The following MEST variants were observed in gnomAD, a reference collection of about 807,000 sequenced individuals.
The protein encoded by MEST is mesoderm specific transcript.
In MEST, 18 loss-of-function variants were observed where a neutral mutation model predicts 50.9. That is an observed-to-expected ratio of 0.35 (90% confidence interval 0.24 to 0.52). MEST has a LOEUF of 0.52. Among genes scored for constraint, MEST ranks in the 20% least tolerant of loss-of-function variants. The pLI is 0.94. For missense variants in MEST, 282 were observed against 425.3 expected (o/e 0.66, Z 2.96); for synonymous variants, 130 against 154.1 (o/e 0.84, Z 1.16).
Position 130,500,064 on chromosome 7 carries a change from C to G in MEST, c.576+149C>G. ...TATTAATGAAGTTACTTTTTCCCTT[C>G]TTAGGCAACTAAAGCAGAGGCAGTG... On this transcript the variant is annotated intron_variant, in intron 7 of 11. Coordinates refer to ENST00000223215, the MANE Select transcript of MEST (RefSeq NM_002402.4). The surrounding 1 kb of genome is among the most constrained non-coding windows in gnomAD (Gnocchi z 5.0). The G allele has an allele frequency of 1.4e-6, 1 of 698,618 alleles. No individual in the cohort carries two copies. The highest frequency in any genetic ancestry group is 2.3e-6 in the Non-Finnish European group (1 of 428,852). 43.3% of individuals were successfully genotyped at this position (698,618 alleles called of 1,614,324 possible). A position where few individuals can be genotyped will look rare whatever the true frequency, so the allele number is the denominator to read the frequency against.
At chr7:130,504,055 C>T (rs539049713) in intron 11 of MEST, 59 bp downstream of exon 11, 6 of 1,404,062 alleles carry the variant, frequency 4.3e-6, no homozygotes, top group South Asian at 3.5e-5. Flanking sequence ...CAGTGGTAAA[C>T]AGAATTGCCT....
chr7:130,493,664 C>G (rs1241601928), intron 1 of MEST, among the ~76,000 whole-genome samples: 1 of 152,128 alleles, frequency 6.6e-6, no homozygotes, highest in African/African-American at 2.4e-5. Flanking sequence ...GGGGAAGCCT[C>G]CCCATTTGCC....
intron 2 of MEST, 102 bp downstream of exon 2, chr7:130,495,624 GGAGGAGAGTATCTCTCTC>G (rs1799018625): frequency 8.4e-7 from 1 of 1,190,550 alleles, no homozygotes; most frequent in Non-Finnish European, 1.2e-6. Context: ...CCTTAATGAT[GGAGGAGAGTATCTCTCTC>G]TCTTTCTGTG....
At chr7:130,495,564 A>AT (rs782438708) in intron 2 of MEST, 42 bp downstream of exon 2, 18 of 1,592,730 alleles carry the variant, frequency 1.1e-5, no homozygotes, top group Non-Finnish European at 1.5e-5. Flanking sequence ...TATCGGTCAC[A>AT]TAAGTCCCAG....
rs376491654 is a variant in MEST, at chr7:130,496,217, T to C, written c.181+695T>C. The C allele has an allele frequency of 1.2e-3, 564 of 451,602 alleles. 1 individual carries two copies. The highest frequency in any genetic ancestry group is 2.7e-3 in the Middle Eastern group (4 of 1,498). The allele number at this position is 451,602 out of a possible 1,614,324, so 28.0% of individuals were successfully genotyped here. On this transcript the variant is annotated intron_variant, in intron 2 of 11. Coordinates refer to ENST00000223215, the MANE Select transcript of MEST (RefSeq NM_002402.4). ...TTTGCTATATTCAATTAAGTAAGTA[T>C]ACAATTTTTATTATGTTGGCTTGGG...
At chr7:130,489,440 T>C (rs1554434549), upstream of MEST, 1 of 152,228 alleles carries the variant, frequency 6.6e-6, no homozygotes, top group Non-Finnish European at 1.5e-5. Context: ...TTTTATACCT[T>C]GGGTCAAATT....
Position 130,492,451 on chromosome 7 carries a change from C to G in MEST, c.26+112C>G. 5 of 974,412 alleles carry G rather than the reference C, an allele frequency of 5.1e-6. No homozygotes were observed. The highest frequency in any genetic ancestry group is 6.7e-6 in the Non-Finnish European group (5 of 749,650). The allele number at this position is 974,412 out of a possible 1,614,324, so 60.4% of individuals were successfully genotyped here. A position where few individuals can be genotyped will look rare whatever the true frequency, so the allele number is the denominator to read the frequency against. On this transcript the variant is annotated intron_variant, in intron 1 of 11. Coordinates refer to ENST00000223215, the MANE Select transcript of MEST (RefSeq NM_002402.4). This position sits in a 1 kb window ranked among gnomAD's most constrained non-coding sequence, Gnocchi z 7.6. ...AGCTGGGGCTGCCTCTGGGCGAAAA[C>G]TCTACCGACAGGCGGCACGCATTCC... is the stretch of plus-strand genomic sequence containing the variant.
At position 130,498,392 on chromosome 7, in the gene MEST, A is replaced by G. The variant is rs782136363; in HGVS notation, c.477-27A>G. On this transcript the variant is annotated intron_variant, in intron 5 of 11. Transcript: ENST00000223215. ...CACTGGTTTAAGTTTGCTCAGCTAC[A>G]TGTGTGTTTCCTCGTCTCCCTTCTA... 9.3e-6 allele frequency: 15 copies of G among 1,613,880 alleles called. No individual in the cohort carries two copies. The East Asian group carries it at 1.1e-4, about 12-fold the overall frequency.
intron 6 of MEST, among the ~76,000 whole-genome samples, chr7:130,499,463 G>A (rs1584947831): frequency 2.0e-5 from 3 of 152,206 alleles, no homozygotes; most frequent in African/African-American, 7.2e-5. Context: ...AGGGGAGTCA[G>A]AGCCTGGTTA....
intron 2 of MEST, chr7:130,495,966 A>G (rs1799042063): frequency 8.0e-6 from 3 of 376,340 alleles, no homozygotes; most frequent in African/African-American, 2.2e-5. Context: ...TATTATGACC[A>G]CTACTTATCA....
intron 7 of MEST, 79 bp downstream of exon 7, chr7:130,499,994 G>A: frequency 8.4e-7 from 1 of 1,183,798 alleles, no homozygotes; most frequent in Non-Finnish European, 1.2e-6. Flanking sequence ...AAGGGCCATA[G>A]CTCCTGTAAC....
intron 9 of MEST, among the ~76,000 whole-genome samples, chr7:130,501,597 G>A (rs1554438511): frequency 6.6e-6 from 1 of 152,190 alleles, no homozygotes; most frequent in Admixed American, 6.5e-5. Flanking sequence ...GAATACATGA[G>A]TTTGAGTTCT....
At position 130,497,260 on chromosome 7, in the gene MEST, C is replaced by A; in HGVS notation, c.261+25C>A. Reference sequence around the variant, plus strand: ...GGTAATGAAGTCAGACTTCTACGTCCTACTATGTCTTAAAAAATCTCGGCC... The same window carrying A: ...GGTAATGAAGTCAGACTTCTACGTCATACTATGTCTTAAAAAATCTCGGCC... On this transcript the variant is annotated intron_variant, in intron 3 of 11. Coordinates refer to ENST00000223215, the MANE Select transcript of MEST (RefSeq NM_002402.4). This position sits in a 1 kb window ranked among gnomAD's most constrained non-coding sequence, Gnocchi z 4.0. 1 of 1,592,696 alleles carries A rather than the reference C, an allele frequency of 6.3e-7. No individual in the cohort carries two copies. The highest frequency in any genetic ancestry group is 8.6e-7 in the Non-Finnish European group (1 of 1,166,736).
In MEST at chr7:130,504,948, G is replaced by T; in HGVS notation, c.900G>T (p.Leu300=). ...TGTTCTCTTCCACTAGGAAAACGCT[G>T]CCGCGGTCCACAGTGTCGATTCTGG... ...PEFLELYRKT[L]PRSTVSILDD... Residue 300 remains leucine, a synonymous_variant, in exon 12 of 12, where the codon CTG becomes CTT. Coordinates refer to ENST00000223215, the MANE Select transcript of MEST (RefSeq NM_002402.4). 6.2e-7 allele frequency: 1 copy of T among 1,613,682 alleles called. No individual in the cohort carries two copies. Among genetic ancestry groups the T allele is most frequent in the Non-Finnish European group, 8.5e-7 (1 of 1,179,678 alleles).
intron 2 of MEST, 178 bp from the exon 3 acceptor site, chr7:130,496,978 G>T: frequency 2.2e-6 from 1 of 457,190 alleles, no homozygotes. Context: ...ATTGAAAGGA[G>T]AAAAGGCCTG....
At chr7:130,496,006 A>G (rs1799044181) in intron 2 of MEST, 10 of 439,442 alleles carry the variant, frequency 2.3e-5, no homozygotes, top group South Asian at 1.5e-4. Context: ...GCACTGAGTT[A>G]TGTTTTCAGC....
Position 130,492,310 on chromosome 7 carries a change from G to T in MEST, c.-4G>T. 7.5e-7 allele frequency: 1 copy of T among 1,341,016 alleles called. No individual in the cohort carries two copies. The highest frequency in any genetic ancestry group is 2.2e-5 in the South Asian group (1 of 46,328). The allele number at this position is 1,341,016 out of a possible 1,614,324, so 83.1% of individuals were successfully genotyped here. A position where few individuals can be genotyped will look rare whatever the true frequency, so the allele number is the denominator to read the frequency against. Reference sequence around the variant, plus strand: ...TGCGGCGGGCGGCATGGGATAACGCGGCCATGGTGCGCCGAGATCGCCTCC... The same window carrying T: ...TGCGGCGGGCGGCATGGGATAACGCTGCCATGGTGCGCCGAGATCGCCTCC... On this transcript the variant is annotated 5_prime_UTR_variant, in exon 1 of 12. Transcript: ENST00000223215. This position sits in a 1 kb window ranked among gnomAD's most constrained non-coding sequence, Gnocchi z 7.6.
rs539288935 is a variant in MEST at position 130,492,375 on chromosome 7, C to G, written c.26+36C>G. 1.6e-6 allele frequency: 2 copies of G among 1,286,188 alleles called. No individual in the cohort carries two copies. Among genetic ancestry groups the G allele is most frequent in the Non-Finnish European group, 2.0e-6 (2 of 1,011,138 alleles). The allele number at this position is 1,286,188 out of a possible 1,614,324, so 79.7% of individuals were successfully genotyped here. A position where few individuals can be genotyped will look rare whatever the true frequency, so the allele number is the denominator to read the frequency against. On this transcript the variant is annotated intron_variant, in intron 1 of 11. Coordinates refer to ENST00000223215, the MANE Select transcript of MEST (RefSeq NM_002402.4). The surrounding 1 kb of genome is among the most constrained non-coding windows in gnomAD (Gnocchi z 7.6). ...GGTGGGAACGAGGGGGTGTGGCTGG[C>G]GGCCCTGGGACTAGGGCGCAGGCGA...
chr7:130,495,664 C>T, intron 2 of MEST, 142 bp downstream of exon 2: 1 of 845,108 alleles, frequency 1.2e-6, no homozygotes, highest in South Asian at 2.5e-5. Context: ...AGTGTGCTTG[C>T]AGAGAAGCGC....
Sources: allele counts gnomAD v4.1 joint callset (sites outside exome capture counted in the v4.1 genomes callset), GRCh38; gene constraint gnomAD v4.1.1; non-coding constraint Gnocchi (gnomAD v3.1); transcripts MANE v1.5; gene names NCBI Gene and HGNC (gene_info 2026-07-23, HGNC 2026-07-21).